Variants in FAM13C observed in about 807,000 individuals in gnomAD.
The protein encoded by FAM13C is protein FAM13C.
A neutral mutation model predicts 73.2 loss-of-function variants in FAM13C; 37 were observed. That is an observed-to-expected ratio of 0.51 (90% CI 0.39 to 0.67). The LOEUF (loss-of-function observed/expected upper bound fraction) is 0.67. FAM13C is among the 30% of genes least tolerant of loss of function. The probability of loss-of-function intolerance (pLI) is 0.00; values close to 1 mark genes in which losing one functional copy is unlikely to be tolerated. For synonymous variants in FAM13C, 246 were observed against 260.9 expected, an observed-to-expected ratio of 0.94 and a Z score of 0.55; for missense variants, 589 against 715.6, an observed-to-expected ratio of 0.82 and a Z score of 2.02.
chr10:59,362,564 C>G, upstream of FAM13C: 1 of 1,549,924 alleles, frequency 6.5e-7, no homozygotes, highest in Non-Finnish European at 8.7e-7. Context: ...TCGCCCGGCA[C>G]GCTCGCTCTA....
At chr10:59,295,196 C>T (rs1395940969) in intron 5 of FAM13C, among the ~76,000 whole-genome samples, 3 of 152,320 alleles carry the variant, frequency 2.0e-5, no homozygotes, top group Non-Finnish European at 2.9e-5. Context: ...AAACACTAAT[C>T]TAGGTACTTC....
chr10:59,296,244 C>G (rs1846901113), intron 5 of FAM13C, among the ~76,000 whole-genome samples: 1 of 152,132 alleles, frequency 6.6e-6, no homozygotes, highest in African/African-American at 2.4e-5. Flanking sequence ...ATATGATAAA[C>G]TGTGGATGCA....
At chr10:59,323,964 A>T (rs775439465) in intron 4 of FAM13C, 24 bp downstream of exon 4, 3 of 1,578,422 alleles carry the variant, frequency 1.9e-6, no homozygotes, top group Non-Finnish European at 1.7e-6. Flanking sequence ...AGCACAGAAT[A>T]GCTTCTGATA....
chr10:59,320,148 C>G (rs955011016), intron 4 of FAM13C, among the ~76,000 whole-genome samples: 4 of 152,160 alleles, frequency 2.6e-5, no homozygotes, highest in African/African-American at 9.7e-5. Context: ...CTCCTCAGCT[C>G]CAGCTAGTTG....
At position 59,255,130 on chromosome 10, in the gene FAM13C, C is replaced by T. The variant is rs184884499; in HGVS notation, c.1237-687G>A. On this transcript the variant is annotated intron_variant, in intron 10 of 13. Coordinates refer to ENST00000618804, the MANE Select transcript of FAM13C (RefSeq NM_198215.4). ...TCCTGATTATATGTAGTCACAAATACCAACCTTATACAGGTCTTCATCACT... is the reference window on the plus strand; with the variant it reads ...TCCTGATTATATGTAGTCACAAATATCAACCTTATACAGGTCTTCATCACT... 2.5e-3 allele frequency among the ~76,000 whole-genome samples: 381 copies of T among 152,272 alleles called. 2 individuals are homozygous for T. The highest frequency in any genetic ancestry group is 3.6e-3 in the Non-Finnish European group (244 of 68,020).
chr10:59,355,953 T>C lies in FAM13C; in HGVS notation c.63-10A>G, dbSNP rs1481397286. 2 of 1,613,466 alleles carry C rather than the reference T, an allele frequency of 1.2e-6. No individual in the cohort carries two copies. The highest frequency in any genetic ancestry group is 4.5e-5 in the East Asian group (2 of 44,858). ...TGGATCTTCGTCACACCTGGAAGAG[T>C]GGGAAGAAAAATCACATCAGATCCA... is the stretch of plus-strand genomic sequence containing the variant. On this transcript the variant is annotated splice_polypyrimidine_tract_variant and intron_variant, in intron 1 of 13. Coordinates refer to ENST00000618804, the MANE Select transcript of FAM13C (RefSeq NM_198215.4).
intron 8 of FAM13C, among the ~76,000 whole-genome samples, chr10:59,265,263 G>A (rs554207620): frequency 6.8e-6 from 1 of 147,410 alleles, no homozygotes; most frequent in African/African-American, 2.5e-5. Context: ...TCCTAGAAGA[G>A]CTTGAATAGC....
At position 59,283,427 on chromosome 10, in the gene FAM13C, A is replaced by G. The variant is rs756056490; in HGVS notation, c.528T>C (p.His176=). Residue 176 remains histidine (H), a synonymous_variant, in exon 6 of 14, where the codon CAT becomes CAC. Transcript: ENST00000618804. Reference sequence around the variant, plus strand: ...ATGCTGGCGCCGGGTCCTTGACTCCATGCACCTGAGCAGCTTCTTCCTGGT... The same window carrying G: ...ATGCTGGCGCCGGGTCCTTGACTCCGTGCACCTGAGCAGCTTCTTCCTGGT... ...DLNEEEAAQV[H]GVKDPAPAST... is the part of the protein sequence containing the mutation. 6.2e-7 allele frequency: 1 copy of G among 1,614,204 alleles called. No homozygotes were observed. The highest frequency in any genetic ancestry group is 8.5e-7 in the Non-Finnish European group (1 of 1,180,028).
intron 11 of FAM13C, chr10:59,253,706 C>T (rs1305479263): frequency 1.3e-5 from 2 of 152,096 alleles, no homozygotes; most frequent in Admixed American, 1.3e-4. Flanking sequence ...TATAAATGTA[C>T]CCAAGCATAC....
chr10:59,289,636 A>C (rs1178977406), intron 5 of FAM13C, among the ~76,000 whole-genome samples: 1 of 152,244 alleles, frequency 6.6e-6, no homozygotes, highest in Non-Finnish European at 1.5e-5. Context: ...CAAATCAAAA[A>C]ATCATGACAG....
At chr10:59,350,384 G>A (rs1417908975) in intron 3 of FAM13C, among the ~76,000 whole-genome samples, 1 of 152,144 alleles carries the variant, frequency 6.6e-6, no homozygotes, top group African/African-American at 2.4e-5. Flanking sequence ...GAGGAGAGAT[G>A]GCTGGTCACC....
chr10:59,276,765 T>C (rs1342312587), intron 6 of FAM13C, among the ~76,000 whole-genome samples: 3 of 152,162 alleles, frequency 2.0e-5, no homozygotes, highest in Admixed American at 2.0e-4. Flanking sequence ...TATGAAAATA[T>C]ATCTGGGTTT....
rs7476576 is a variant in FAM13C at position 59,272,791 on chromosome 10, T to C, written c.593-2682A>G. On this transcript the variant is annotated intron_variant, in intron 6 of 13. Transcript: ENST00000618804. ...AGGAGACACTCTCTACAACATTGTG[T>C]CAATACAGTAGTCACCACTTATCGG... 7.3e-3 allele frequency among the ~76,000 whole-genome samples: 1,108 copies of C among 152,244 alleles called. 13 individuals carry two copies. Among genetic ancestry groups the C allele is most frequent in the African/African-American group, 0.022 (923 of 41,544 alleles).
In FAM13C at chr10:59,247,437, G is replaced by A. The variant is rs966995425; in HGVS notation, c.*177C>T. 12 of 718,550 alleles carry A rather than the reference G, an allele frequency of 1.7e-5. No individual in the cohort carries two copies. The highest frequency in any genetic ancestry group is 2.9e-5 in the Admixed American group (1 of 34,084). 44.5% of individuals were successfully genotyped at this position (718,550 alleles called of 1,614,324 possible). ...GGCTACCTGTTGTATTCTTCCCCCC[G>A]TTTAAATCCCTTCTCCTTGTATATA... is the stretch of plus-strand genomic sequence containing the variant. On this transcript the variant is annotated 3_prime_UTR_variant, in exon 14 of 14. Coordinates refer to ENST00000618804, the MANE Select transcript of FAM13C (RefSeq NM_198215.4).
chr10:59,339,020 C>T (rs922132732), intron 3 of FAM13C, among the ~76,000 whole-genome samples: 1 of 152,138 alleles, frequency 6.6e-6, no homozygotes, highest in Admixed American at 6.5e-5. Context: ...GGGGGAAAAT[C>T]CTTCCTTGCC....
At chr10:59,344,248 C>T (rs1293961362) in intron 3 of FAM13C, among the ~76,000 whole-genome samples, 4 of 149,398 alleles carry the variant, frequency 2.7e-5, no homozygotes, top group African/African-American at 7.4e-5. Flanking sequence ...AGGCATGAGC[C>T]GCCGCGCCCG....
chr10:59,311,262 G>A (rs1848885100), intron 4 of FAM13C, among the ~76,000 whole-genome samples: 1 of 152,194 alleles, frequency 6.6e-6, no homozygotes, highest in South Asian at 2.1e-4. Context: ...AATTGGCAGA[G>A]TGGAGGTAAA....
chr10:59,312,039 A>C (rs1209391835), intron 4 of FAM13C, among the ~76,000 whole-genome samples: 1 of 147,196 alleles, frequency 6.8e-6, no homozygotes, highest in South Asian at 2.1e-4. Flanking sequence ...AAAGAGAAAA[A>C]CCTCATCACA....
At chr10:59,297,199 C>G (rs1180054427) in intron 5 of FAM13C, 1 of 152,202 alleles carries the variant, frequency 6.6e-6, no homozygotes, top group Admixed American at 6.5e-5. Flanking sequence ...ATAAAGGGAG[C>G]ACAATGCAGT....
Sources: allele counts gnomAD v4.1 joint callset (sites outside exome capture counted in the v4.1 genomes callset), GRCh38; gene constraint gnomAD v4.1.1; transcripts MANE v1.5; gene names NCBI Gene and HGNC (gene_info 2026-07-23, HGNC 2026-07-21).